The following HECW2 variants were observed in gnomAD, a reference collection of about 807,000 sequenced individuals.
HECW2 encodes the protein E3 ubiquitin-protein ligase HECW2.
HECW2 carries 61 observed loss-of-function variants against 175.2 expected under a neutral mutation model. The observed-to-expected ratio is 0.35, with a 90% CI of 0.28 to 0.43. The LOEUF (loss-of-function observed/expected upper bound fraction) is 0.43. Ranked by LOEUF, HECW2 falls within the 20% of genes least tolerant of loss-of-function variation. The pLI is 1.00. For synonymous variants in HECW2, 671 were observed against 731.0 expected (o/e 0.92, Z 1.32); for missense variants, 1,524 against 2,000.5 (o/e 0.76, Z 4.54).
intron 13 of HECW2, among the ~76,000 whole-genome samples, chr2:196,298,303 C>T (rs1421527671): frequency 1.3e-5 from 2 of 152,024 alleles, no homozygotes; most frequent in African/African-American, 4.8e-5. Context: ...AATCTGATCA[C>T]AACCATTAGA....
chr2:196,559,595 G>A (rs943531628), intron 1 of HECW2, among the ~76,000 whole-genome samples: 2 of 152,178 alleles, frequency 1.3e-5, no homozygotes, highest in Non-Finnish European at 2.9e-5. Context: ...ACAAAGTTAG[G>A]ATGCAAACAA....
At chr2:196,410,252 C>T (rs933592313) in intron 2 of HECW2, among the ~76,000 whole-genome samples, 5 of 152,184 alleles carry the variant, frequency 3.3e-5, no homozygotes, top group Admixed American at 3.3e-4. Context: ...AAGAAAAATG[C>T]ATGTAACATA....
At chr2:196,459,924 T>C (rs1243781076) in intron 1 of HECW2, among the ~76,000 whole-genome samples, 3 of 152,152 alleles carry the variant, frequency 2.0e-5, no homozygotes, top group Non-Finnish European at 4.4e-5. Flanking sequence ...ATGCGCATGT[T>C]TCTCCCTTCC....
At chr2:196,303,060 T>C (rs779418213) in intron 13 of HECW2, among the ~76,000 whole-genome samples, 6 of 152,230 alleles carry the variant, frequency 3.9e-5, no homozygotes, top group Non-Finnish European at 7.3e-5. Flanking sequence ...TTGCCATATA[T>C]GGCTCTTATT....
At chr2:196,249,125 AC>A (rs1688766173) in intron 19 of HECW2, among the ~76,000 whole-genome samples, 1 of 152,244 alleles carries the variant, frequency 6.6e-6, no homozygotes, top group Non-Finnish European at 1.5e-5. Context: ...AGCTTTGGTT[AC>A]CTGGAAAATC....
chr2:196,466,775 G>C (rs977134248), intron 1 of HECW2, among the ~76,000 whole-genome samples: 5 of 152,222 alleles, frequency 3.3e-5, no homozygotes, highest in Admixed American at 1.3e-4. Context: ...AAAAGCATAA[G>C]GTGAGCTAGA....
At chr2:196,423,715 T>TGTGTGTGTGTGTGTGTGTGTGTG (rs1553516070) in intron 2 of HECW2, among the ~76,000 whole-genome samples, 4 of 151,472 alleles carry the variant, frequency 2.6e-5, no homozygotes, top group Non-Finnish European at 4.4e-5. Flanking sequence ...TGTGTGTGTG[T>TGTGTGTGTGTGTGTGTGTGTGTG]TTATCACATT....
intron 24 of HECW2, among the ~76,000 whole-genome samples, chr2:196,221,511 ATTGT>A (rs1687670144): frequency 1.3e-5 from 2 of 152,060 alleles, no homozygotes; most frequent in Non-Finnish European, 2.9e-5. Flanking sequence ...TCCCCAAAAC[ATTGT>A]TTATGTTCCC....
intron 19 of HECW2, among the ~76,000 whole-genome samples, chr2:196,249,732 C>A (rs1688786726): frequency 1.3e-5 from 2 of 152,174 alleles, no homozygotes; most frequent in South Asian, 4.1e-4. Context: ...GCCCTGGTAT[C>A]ATGTGGAATT....
chr2:196,563,265 G>A (rs770967353), intron 1 of HECW2, among the ~76,000 whole-genome samples: 83 of 151,868 alleles, frequency 5.5e-4, no homozygotes, highest in African/African-American at 1.9e-3. Context: ...TCTTAGTCAC[G>A]TAAAAAATAT....
At chr2:196,386,497 T>C (rs1347226198) in intron 2 of HECW2, among the ~76,000 whole-genome samples, 1 of 152,170 alleles carries the variant, frequency 6.6e-6, no homozygotes, top group Non-Finnish European at 1.5e-5. Flanking sequence ...TTAACAGCAA[T>C]GTAAAGAAGC....
chr2:196,198,671 C>T lies in HECW2; in HGVS notation c.*2606G>A, dbSNP rs1303303336. On this transcript the variant is annotated 3_prime_UTR_variant, in exon 29 of 29. Coordinates refer to ENST00000644978, the MANE Select transcript of HECW2 (RefSeq NM_001348768.2). ...ATAAAGAGCATCACTTAAAATAAGA[C>T]CAGAAAGCCTAGTTATCTGGGTTCA... is the stretch of plus-strand genomic sequence containing the variant. 2 of 152,078 alleles carry T rather than the reference C, an allele frequency of 1.3e-5. No homozygotes were observed. Among genetic ancestry groups the T allele is most frequent in the Non-Finnish European group, 2.9e-5 (2 of 68,016 alleles). The allele number at this position is 152,078 out of a possible 1,614,324, so 9.4% of individuals were successfully genotyped here. A position where few individuals can be genotyped will look rare whatever the true frequency, so the allele number is the denominator to read the frequency against.
intron 13 of HECW2, among the ~76,000 whole-genome samples, chr2:196,303,120 T>A (rs1691128976): frequency 6.6e-6 from 1 of 152,230 alleles, no homozygotes; most frequent in African/African-American, 2.4e-5. Context: ...GTTTTTAACA[T>A]GAAGCGATGT....
At chr2:196,317,170 G>T in intron 10 of HECW2, 104 bp downstream of exon 10, 2 of 881,452 alleles carry the variant, frequency 2.3e-6, no homozygotes, top group South Asian at 1.5e-5. Context: ...GATTCCTTCC[G>T]CTTGAAGACC....
chr2:196,426,118 G>A (rs1459012197), intron 2 of HECW2, among the ~76,000 whole-genome samples: 2 of 152,116 alleles, frequency 1.3e-5, no homozygotes, highest in African/African-American at 4.8e-5. Flanking sequence ...ATTTTTTTAT[G>A]ATAAAGTCTT....
Position 196,195,910 on chromosome 2 carries a change from G to C in HECW2, c.*5367C>G, listed in dbSNP as rs1373907009. Reference sequence around the variant, plus strand: ...AAATTACTGAAGTTATAAAATGAGGGTATTTCCCATCTAGTAGATCAAACT... The same window carrying C: ...AAATTACTGAAGTTATAAAATGAGGCTATTTCCCATCTAGTAGATCAAACT... On this transcript the variant is annotated 3_prime_UTR_variant, in exon 29 of 29. Transcript: ENST00000644978. 6.6e-6 allele frequency: 1 copy of C among 152,122 alleles called. No individual in the cohort carries two copies. Among genetic ancestry groups the C allele is most frequent in the Non-Finnish European group, 1.5e-5 (1 of 68,020 alleles). 9.4% of individuals were successfully genotyped at this position (152,122 alleles called of 1,614,324 possible).
intron 28 of HECW2, among the ~76,000 whole-genome samples, chr2:196,203,799 T>C (rs1279782267): frequency 6.6e-6 from 1 of 152,198 alleles, no homozygotes; most frequent in Non-Finnish European, 1.5e-5. Context: ...GCAACCATCA[T>C]CACTATCCAT....
chr2:196,294,452 T>C (rs1575372996), intron 13 of HECW2, among the ~76,000 whole-genome samples: 1 of 152,146 alleles, frequency 6.6e-6, no homozygotes, highest in Non-Finnish European at 1.5e-5. Context: ...TCCAGCTTTA[T>C]GGGTTCTGTT....
chr2:196,242,519 T>C (rs148574119), intron 19 of HECW2: 240 of 293,194 alleles, frequency 8.2e-4, no homozygotes, highest in African/African-American at 4.5e-3. Flanking sequence ...TCATGTCTAG[T>C]AGTAACTGTT....
Sources: allele counts gnomAD v4.1 joint callset (sites outside exome capture counted in the v4.1 genomes callset), GRCh38; gene constraint gnomAD v4.1.1; transcripts MANE v1.5; gene names NCBI Gene and HGNC (gene_info 2026-07-23, HGNC 2026-07-21).